STK3: variants seen among roughly 807,000 people sequenced by gnomAD.
STK3 encodes serine/threonine-protein kinase 3.
STK3 carries 41 observed loss-of-function variants against 58.0 expected under a neutral mutation model. That is an observed-to-expected ratio of 0.71 (90% CI 0.55 to 0.92). STK3 has a LOEUF of 0.92. STK3 is among the 40% of genes least tolerant of loss of function. STK3 has a pLI of 0.00. For synonymous variants in STK3, 170 were observed against 191.0 expected, an observed-to-expected ratio of 0.89 and a Z score of 0.91; for missense variants, 479 against 602.7, an observed-to-expected ratio of 0.79 and a Z score of 2.15.
chr8:98,354,363 A>G, the STK3 span, among the ~76,000 whole-genome samples: 43 of 152,202 alleles, frequency 2.8e-4, no homozygotes, highest in Admixed American at 5.2e-4. Context: ...TCTTAAAAGA[A>G]GAGGACACAC....
In STK3 at chr8:98,908,843, C is replaced by CAAAAAAAAA. The variant is rs1187304586; in HGVS notation, c.-78-25018_-78-25010dup. 1.2e-4 allele frequency among the ~76,000 whole-genome samples: 7 copies of CAAAAAAAAA among 60,432 alleles called. 1 individual carries two copies. Among genetic ancestry groups the CAAAAAAAAA allele is most frequent in the East Asian group, 5.6e-4 (1 of 1,784 alleles). 39.6% of individuals were successfully genotyped at this position (60,432 alleles called of 152,430 possible). On this transcript the variant is annotated intron_variant, in intron 1 of 1. Transcript: ENST00000519420. The stretch of plus-strand genomic sequence containing the variant: ...GGGGGACAAGAGAGAGACTTCTTCT[C>CAAAAAAAAA]AAAAAAAAAAAAAAAAAAAAAGAAA...
intron 6 of STK3, among the ~76,000 whole-genome samples, chr8:98,680,003 A>C (rs1346107380): frequency 6.6e-6 from 1 of 152,200 alleles, no homozygotes; most frequent in Admixed American, 6.5e-5. Context: ...GTTGGTACTA[A>C]AAAGTAAGCA....
chr8:98,360,192 A>G, the STK3 span, among the ~76,000 whole-genome samples: 2 of 152,120 alleles, frequency 1.3e-5, no homozygotes, highest in Admixed American at 6.5e-5. Context: ...TGTCCTTCAA[A>G]TCTTGAATTA....
intron 6 of STK3, among the ~76,000 whole-genome samples, chr8:98,691,039 C>A (rs1217090292): frequency 2.0e-5 from 3 of 152,108 alleles, no homozygotes. Flanking sequence ...ATGGAAACAA[C>A]AGACGCTAGG....
chr8:98,460,570 G>A (rs1259270904), intron 10 of STK3, among the ~76,000 whole-genome samples: 1 of 152,180 alleles, frequency 6.6e-6, no homozygotes, highest in Non-Finnish European at 1.5e-5. Flanking sequence ...GTTTGGCTGT[G>A]TCCCCACTCA....
intron 6 of STK3, among the ~76,000 whole-genome samples, chr8:98,610,824 T>A (rs1195532583): frequency 6.6e-6 from 1 of 152,198 alleles, no homozygotes; most frequent in Admixed American, 6.5e-5. Context: ...TGACATACTA[T>A]CCTCAAAATT....
At chr8:98,705,736 C>A (rs1016261826) in intron 6 of STK3, among the ~76,000 whole-genome samples, 6 of 152,036 alleles carry the variant, frequency 3.9e-5, no homozygotes, top group African/African-American at 1.5e-4. Context: ...CACTAGAGGG[C>A]AATAAGTATA....
chr8:98,834,847 G>T (rs575629894), intron 3 of STK3, among the ~76,000 whole-genome samples: 42 of 152,302 alleles, frequency 2.8e-4, no homozygotes, highest in Non-Finnish European at 3.1e-4. Flanking sequence ...CAGAAAATAT[G>T]ATTAAGTATA....
At chr8:98,504,149 T>C (rs1823853956) in intron 10 of STK3, among the ~76,000 whole-genome samples, 1 of 152,224 alleles carries the variant, frequency 6.6e-6, no homozygotes, top group Admixed American at 6.5e-5. Context: ...TGTAATGGCC[T>C]TCTTTGTCTC....
intron 1 of STK3, among the ~76,000 whole-genome samples, chr8:98,787,556 A>T (rs1236973909): frequency 6.6e-6 from 1 of 152,204 alleles, no homozygotes; most frequent in Non-Finnish European, 1.5e-5. Flanking sequence ...AGAGACCCAG[A>T]CATCCAAATA....
chr8:98,585,489 G>C (rs1241804508), intron 7 of STK3, among the ~76,000 whole-genome samples: 2 of 151,046 alleles, frequency 1.3e-5, no homozygotes, highest in Non-Finnish European at 3.0e-5. Context: ...TGCTGTTTTG[G>C]TTACTGTAGC....
the STK3 span, among the ~76,000 whole-genome samples, chr8:98,351,847 G>A: frequency 6.6e-6 from 1 of 152,196 alleles, no homozygotes; most frequent in Non-Finnish European, 1.5e-5. Flanking sequence ...ACACCAGTCA[G>A]CAAGGAAGCT....
chr8:98,487,202 T>C (rs1822337745), intron 10 of STK3, among the ~76,000 whole-genome samples: 1 of 152,058 alleles, frequency 6.6e-6, no homozygotes, highest in Non-Finnish European at 1.5e-5. Flanking sequence ...TAGAAGGTAA[T>C]AAATTCAATG....
At chr8:98,753,837 G>A (rs1442020697) in intron 3 of STK3, among the ~76,000 whole-genome samples, 7 of 152,174 alleles carry the variant, frequency 4.6e-5, no homozygotes, top group Admixed American at 2.6e-4. Context: ...CTGCTACTCC[G>A]TTACCTCTTG....
intron 2 of STK3, among the ~76,000 whole-genome samples, chr8:98,771,105 G>A (rs1831290736): frequency 6.6e-6 from 1 of 152,166 alleles, no homozygotes; most frequent in African/African-American, 2.4e-5. Flanking sequence ...ACCATTATCT[G>A]TATGTAGTTC....
chr8:98,673,168 T>C (rs1294231020), intron 6 of STK3, among the ~76,000 whole-genome samples: 1 of 152,258 alleles, frequency 6.6e-6, no homozygotes, highest in Non-Finnish European at 1.5e-5. Context: ...TGTTATATAA[T>C]TCCCTTTTCA....
At chr8:98,551,256 C>T (rs1048046646) in intron 8 of STK3, among the ~76,000 whole-genome samples, 3 of 152,128 alleles carry the variant, frequency 2.0e-5, no homozygotes, top group African/African-American at 4.8e-5. Flanking sequence ...AATTTACAAC[C>T]GGCATTAGAC....
intron 8 of STK3, among the ~76,000 whole-genome samples, chr8:98,566,406 T>C (rs879284036): frequency 6.6e-6 from 1 of 152,150 alleles, no homozygotes; most frequent in Non-Finnish European, 1.5e-5. Context: ...AAATTAAATT[T>C]GGAAATTTTT....
At chr8:98,542,115 T>A (rs569296956) in intron 9 of STK3, among the ~76,000 whole-genome samples, 1 of 152,310 alleles carries the variant, frequency 6.6e-6, no homozygotes, top group African/African-American at 2.4e-5. Flanking sequence ...GTAAATAAGA[T>A]AACATATACA....
Sources: gnomAD v4.1 joint callset for allele counts (sites outside exome capture counted in the v4.1 genomes callset) on GRCh38, gnomAD v4.1.1 for gene constraint, MANE v1.5 for transcripts, NCBI Gene and HGNC (gene_info 2026-07-23, HGNC 2026-07-21) for gene names.